The following HAPLN3 variants were observed in gnomAD, a reference collection of about 807,000 sequenced individuals.
The protein encoded by HAPLN3 is hyaluronan and proteoglycan link protein 3.
In HAPLN3, 28 loss-of-function variants were observed where a neutral mutation model predicts 28.1. That is an observed-to-expected ratio of 1.00 (90% CI 0.74 to 1.37). The LOEUF is 1.37. HAPLN3 is among the 40% of genes most tolerant of loss of function. The probability of loss-of-function intolerance (pLI) is 0.00; values close to 1 mark genes in which losing one functional copy is unlikely to be tolerated. For synonymous variants in HAPLN3, 211 were observed against 213.1 expected (o/e 0.99, Z 0.09); for missense variants, 513 against 504.6 (o/e 1.02, Z -0.16).
At chr15:88,891,584 C>T (rs1285160101) in intron 1 of HAPLN3, among the ~76,000 whole-genome samples, 1 of 152,232 alleles carries the variant, frequency 6.6e-6, no homozygotes, top group Non-Finnish European at 1.5e-5. Flanking sequence ...AGGCATGAGC[C>T]ACCACACCTG....
intron 1 of HAPLN3, among the ~76,000 whole-genome samples, chr15:88,893,393 G>C (rs2141678143): frequency 6.6e-6 from 1 of 151,948 alleles, no homozygotes; most frequent in African/African-American, 2.4e-5. Context: ...ACTCCAGACT[G>C]GCCGACAGAG....
At position 88,888,104 on chromosome 15, in the gene HAPLN3, CTTTTTT is replaced by C. The variant is rs899189641; in HGVS notation, c.-47-765_-47-760del. ...AAAGATGAGTCCTGCATTGTGAACCCTTTTTTTTTTTTTTTGAGACAGAGTCTCGCT... is the reference window on the plus strand; with the variant it reads ...AAAGATGAGTCCTGCATTGTGAACCCTTTTTTTTTGAGACAGAGTCTCGCT... On this transcript the variant is annotated intron_variant, in intron 1 of 4. Transcript: ENST00000359595. This position sits in a 1 kb window ranked among gnomAD's most constrained non-coding sequence, Gnocchi z 4.1. Among the ~76,000 whole-genome samples, 2 of 140,018 alleles carry C rather than the reference CTTTTTT, an allele frequency of 1.4e-5. No individual in the cohort carries two copies. The highest frequency in any genetic ancestry group is 3.1e-5 in the Non-Finnish European group (2 of 64,416). 91.9% of individuals were successfully genotyped at this position (140,018 alleles called of 152,430 possible). A position where few individuals can be genotyped will look rare whatever the true frequency, so the allele number is the denominator to read the frequency against.
rs960656082 is a variant in HAPLN3 at position 88,895,008 on chromosome 15, C to T, written c.-48+451G>A. Among the ~76,000 whole-genome samples, 8 of 152,238 alleles carry T rather than the reference C, an allele frequency of 5.3e-5. No homozygotes were observed. The highest frequency in any genetic ancestry group is 1.9e-4 in the African/African-American group (8 of 41,474). On this transcript the variant is annotated intron_variant, in intron 1 of 4. Transcript: ENST00000359595. The surrounding 1 kb of genome is among the most constrained non-coding windows in gnomAD (Gnocchi z 5.5). ...TCCGCCAGCCGCCTCGCAGGTTGCC[C>T]TCAGCCCCTCCCAGGACTCCCGGGG...
chr15:88,881,435 C>T lies in HAPLN3; in HGVS notation c.415G>A (p.Glu139Lys), dbSNP rs922309686. Residue 139 changes from glutamate (E) to lysine (K), a missense_variant, in exon 3 of 5, where the codon GAG becomes AAG. Coordinates refer to ENST00000359595, the MANE Select transcript of HAPLN3 (RefSeq NM_178232.4). The surrounding 1 kb of genome is among the most constrained non-coding windows in gnomAD (Gnocchi z 6.0). ...TCACAGCGGTAACGCCCATAGTCCT[C>T]CAGCCGCAGATCCTGGATCTCCAGC... ...VSLEIQDLRLEDYGRYRCEVI... is the reference protein window; with the variant it reads ...VSLEIQDLRLKDYGRYRCEVI... 1 of 1,614,046 alleles carries T rather than the reference C, an allele frequency of 6.2e-7. No individual in the cohort carries two copies.
chr15:88,882,649 T>C (rs1046218580), intron 2 of HAPLN3, among the ~76,000 whole-genome samples: 1 of 152,216 alleles, frequency 6.6e-6, no homozygotes, highest in South Asian at 2.1e-4. Flanking sequence ...GGAGCCCCTG[T>C]TGGGACCTCA....
chr15:88,881,253 A>T lies in HAPLN3; in HGVS notation c.493+104T>A. ...TTCCATGTGGGTTGTTTTGAGAATT[A>T]AGTACTTTTAAATGTCTAAAGCACA... On this transcript the variant is annotated intron_variant, in intron 3 of 4. Coordinates refer to ENST00000359595, the MANE Select transcript of HAPLN3 (RefSeq NM_178232.4). The surrounding 1 kb of genome is among the most constrained non-coding windows in gnomAD (Gnocchi z 6.0). 7.2e-7 allele frequency: 1 copy of T among 1,393,466 alleles called. No homozygotes were observed. Among genetic ancestry groups the T allele is most frequent in the Non-Finnish European group, 9.7e-7 (1 of 1,035,306 alleles). 86.3% of individuals were successfully genotyped at this position (1,393,466 alleles called of 1,614,324 possible). A position where few individuals can be genotyped will look rare whatever the true frequency, so the allele number is the denominator to read the frequency against.
At position 88,881,637 on chromosome 15, in the gene HAPLN3, G is replaced by T; in HGVS notation, c.213C>A (p.Arg71=). 1 of 1,613,904 alleles carries T rather than the reference G, an allele frequency of 6.2e-7. No individual in the cohort carries two copies. Among genetic ancestry groups the T allele is most frequent in the Non-Finnish European group, 8.5e-7 (1 of 1,180,034 alleles). ...YQGASVILPC[R]YRYEPALVSP... ...AGACCAGGGCCGGCTCGTAGCGGTA[G>T]CGGCAGGGCAGGATCACACTGGCCC... is the stretch of plus-strand genomic sequence containing the variant. The change falls in exon 3 of 5, where the codon CGC becomes CGA. Residue 71 remains arginine, a synonymous_variant. Transcript: ENST00000359595. This position sits in a 1 kb window ranked among gnomAD's most constrained non-coding sequence, Gnocchi z 6.0.
chr15:88,893,128 A>G, intron 1 of HAPLN3: 1 of 747,404 alleles, frequency 1.3e-6, no homozygotes, highest in Non-Finnish European at 2.3e-6. Context: ...AAAAAAAGGA[A>G]CTTAAGGCCG....
At chr15:88,884,361 G>A (rs1040027662) in intron 2 of HAPLN3, among the ~76,000 whole-genome samples, 4 of 152,132 alleles carry the variant, frequency 2.6e-5, no homozygotes, top group African/African-American at 7.2e-5. Context: ...TCAGGAGATC[G>A]AGACCATCCT....
In HAPLN3 at chr15:88,887,319, C is replaced by G. The variant is rs373396408; in HGVS notation, c.-21G>C. The G allele has an allele frequency of 7.1e-5, 114 of 1,613,442 alleles. No individual in the cohort carries two copies. Among genetic ancestry groups the G allele is most frequent in the Non-Finnish European group, 9.0e-5 (106 of 1,179,744 alleles). On this transcript the variant is annotated 5_prime_UTR_variant, in exon 2 of 5. Transcript: ENST00000359595. ...CCCATCTCCTCATGCCAGGGTGACC[C>G]GGGCCAGGCTGGGGCCCCAGGGCAA...
In HAPLN3 at chr15:88,895,014, C is replaced by T. The variant is rs1225413617; in HGVS notation, c.-48+445G>A. 6.6e-6 allele frequency among the ~76,000 whole-genome samples: 1 copy of T among 152,232 alleles called. No individual in the cohort carries two copies. Among genetic ancestry groups the T allele is most frequent in the Non-Finnish European group, 1.5e-5 (1 of 68,028 alleles). ...AGCCGCCTCGCAGGTTGCCCTCAGCCCCTCCCAGGACTCCCGGGGCCCCCG... is the reference window on the plus strand; with the variant it reads ...AGCCGCCTCGCAGGTTGCCCTCAGCTCCTCCCAGGACTCCCGGGGCCCCCG... On this transcript the variant is annotated intron_variant, in intron 1 of 4. Transcript: ENST00000359595. This position sits in a 1 kb window ranked among gnomAD's most constrained non-coding sequence, Gnocchi z 5.5.
rs1349653305 is a variant in HAPLN3 at position 88,880,653 on chromosome 15, G to A, written c.493+704C>T. 3.2e-6 allele frequency: 4 copies of A among 1,252,984 alleles called. No homozygotes were observed. Among genetic ancestry groups the A allele is most frequent in the Non-Finnish European group, 4.2e-6 (4 of 957,298 alleles). 77.6% of individuals were successfully genotyped at this position (1,252,984 alleles called of 1,614,324 possible). On this transcript the variant is annotated intron_variant, in intron 3 of 4. Coordinates refer to ENST00000359595, the MANE Select transcript of HAPLN3 (RefSeq NM_178232.4). This position sits in a 1 kb window ranked among gnomAD's most constrained non-coding sequence, Gnocchi z 6.0. ...AAATACAAATTAAAGATCAAACAGG[G>A]ACCCCACATACAAGATCCGGCTTGC...
In HAPLN3 at chr15:88,880,355, T is replaced by C. The variant is rs1171189453; in HGVS notation, c.493+1002A>G. On this transcript the variant is annotated intron_variant, in intron 3 of 4. Transcript: ENST00000359595. This position sits in a 1 kb window ranked among gnomAD's most constrained non-coding sequence, Gnocchi z 6.0. ...CCCCTCTGAGCCACCATGTAAGCCA[T>C]GTGGACACTGGTGGCAAAGACAGAG... 7 of 1,122,182 alleles carry C rather than the reference T, an allele frequency of 6.2e-6. No individual in the cohort carries two copies. The highest frequency in any genetic ancestry group is 3.3e-5 in the African/African-American group (2 of 60,104). 69.5% of individuals were successfully genotyped at this position (1,122,182 alleles called of 1,614,324 possible).
chr15:88,878,267 G>C lies in HAPLN3; in HGVS notation c.797-11C>G. Reference sequence around the variant, plus strand: ...GGTAGTACACCCGCCCTGGGGGAAAGGGGGCGTGAGTGCCGTACAGCGCAG... The same window carrying C: ...GGTAGTACACCCGCCCTGGGGGAAACGGGGCGTGAGTGCCGTACAGCGCAG... On this transcript the variant is annotated splice_polypyrimidine_tract_variant and intron_variant, in intron 4 of 4. Transcript: ENST00000359595. 6.2e-7 allele frequency: 1 copy of C among 1,605,174 alleles called. No individual in the cohort carries two copies.
Position 88,880,595 on chromosome 15 carries a change from G to A in HAPLN3, c.493+762C>T, listed in dbSNP as rs1160721875. The stretch of plus-strand genomic sequence containing the variant: ...CCCTAACATGTGGGAGAGATGTGAG[G>A]ACACACAGCCCCATCCTAGAGACAG... On this transcript the variant is annotated intron_variant, in intron 3 of 4. Transcript: ENST00000359595. This position sits in a 1 kb window ranked among gnomAD's most constrained non-coding sequence, Gnocchi z 6.0. The A allele has an allele frequency of 7.8e-7, 1 of 1,288,708 alleles. No homozygotes were observed. The highest frequency in any genetic ancestry group is 5.6e-5 in the East Asian group (1 of 18,000). 79.8% of individuals were successfully genotyped at this position (1,288,708 alleles called of 1,614,324 possible). A position where few individuals can be genotyped will look rare whatever the true frequency, so the allele number is the denominator to read the frequency against.
intron 2 of HAPLN3, among the ~76,000 whole-genome samples, chr15:88,886,780 G>A (rs1208010391): frequency 1.3e-5 from 2 of 152,154 alleles, no homozygotes; most frequent in Non-Finnish European, 2.9e-5. Flanking sequence ...AGCCGAGATC[G>A]TGCCATTGCA....
rs968613238 is a variant in HAPLN3 at position 88,880,753 on chromosome 15, T to C, written c.493+604A>G. 17 of 327,164 alleles carry C rather than the reference T, an allele frequency of 5.2e-5. No individual in the cohort carries two copies. Among genetic ancestry groups the C allele is most frequent in the Non-Finnish European group, 8.4e-5 (15 of 177,882 alleles). 20.3% of individuals were successfully genotyped at this position (327,164 alleles called of 1,614,324 possible). On this transcript the variant is annotated intron_variant, in intron 3 of 4. Transcript: ENST00000359595. This position sits in a 1 kb window ranked among gnomAD's most constrained non-coding sequence, Gnocchi z 6.0. ...GGGGCTTTTTGTTTGTTTTTTGTTT[T>C]GTTTTGTTTTTAAAAAGGAGGTTTT...
At chr15:88,887,150 G>T in intron 2 of HAPLN3, 25 bp downstream of exon 2, 1 of 1,613,810 alleles carries the variant, frequency 6.2e-7, no homozygotes, top group Non-Finnish European at 8.5e-7. Context: ...GGGGAGCAAA[G>T]AGCCGGGTGC....
chr15:88,890,380 G>A (rs1897980071), intron 1 of HAPLN3, among the ~76,000 whole-genome samples: 1 of 152,154 alleles, frequency 6.6e-6, no homozygotes, highest in African/African-American at 2.4e-5. Context: ...TAAGCACAAT[G>A]GGGCAACCTG....
Sources: gnomAD v4.1 joint callset for allele counts (sites outside exome capture counted in the v4.1 genomes callset) on GRCh38, gnomAD v4.1.1 for gene constraint, Gnocchi (gnomAD v3.1) non-coding constraint, MANE v1.5 for transcripts, NCBI Gene and HGNC (gene_info 2026-07-23, HGNC 2026-07-21) for gene names.